Variants in RANBP2 observed in about 807,000 individuals in gnomAD.
RANBP2 encodes the protein RAN binding protein 2, also known as E3 SUMO-protein ligase RanBP2.
A neutral mutation model predicts 303.6 loss-of-function variants in RANBP2; 57 were observed. The observed-to-expected ratio is 0.19, with a 90% CI of 0.15 to 0.23. RANBP2 has a LOEUF of 0.23. Among genes scored for constraint, RANBP2 ranks in the 10% least tolerant of loss-of-function variants. The pLI is 1.00. For synonymous variants in RANBP2, 1,167 were observed against 1,301.5 expected (o/e 0.90, Z 2.23); for missense variants, 3,138 against 3,780.8 (o/e 0.83, Z 4.46).
At chr2:109,189,105 G>T in the RANBP2 span, among the ~76,000 whole-genome samples, 1 of 152,076 alleles carries the variant, frequency 6.6e-6, no homozygotes, top group Non-Finnish European at 1.5e-5. Context: ...TGAGAGAGAT[G>T]CCTCCACTGC....
chr2:109,399,003 C>A, the RANBP2 span: 45 of 1,496,634 alleles, frequency 3.0e-5, no homozygotes, highest in Non-Finnish European at 3.9e-5. Flanking sequence ...ATCCTCAGCT[C>A]CGTGTTCAGT....
At chr2:108,753,263 G>C (rs1676047507) in intron 13 of RANBP2, 104 bp downstream of exon 13, 9 of 1,605,308 alleles carry the variant, frequency 5.6e-6, no homozygotes, top group Non-Finnish European at 7.6e-6. Context: ...GTTATTTAAT[G>C]GTAATCTTGT....
At chr2:109,056,012 C>G in the RANBP2 span, among the ~76,000 whole-genome samples, 1 of 152,156 alleles carries the variant, frequency 6.6e-6, no homozygotes, top group African/African-American at 2.4e-5. Context: ...CCCGCCTCAG[C>G]CTCCCAAAGT....
At chr2:108,912,838 G>C in the RANBP2 span, 2 of 1,254,792 alleles carry the variant, frequency 1.6e-6, no homozygotes, top group Non-Finnish European at 2.3e-6. Context: ...AGAGCTCATG[G>C]ATCTGGATTC....
At chr2:109,393,553 G>A in the RANBP2 span, among the ~76,000 whole-genome samples, 11 of 152,114 alleles carry the variant, frequency 7.2e-5, no homozygotes, top group Non-Finnish European at 1.2e-4. Flanking sequence ...TTTGTTTTCC[G>A]AATGGTGCAT....
At chr2:109,329,480 G>T in the RANBP2 span, among the ~76,000 whole-genome samples, 5 of 152,198 alleles carry the variant, frequency 3.3e-5, no homozygotes, top group Admixed American at 6.5e-5. Flanking sequence ...GGCTGGAGCG[G>T]TGTCTTTCCC....
chr2:109,263,812 C>A, the RANBP2 span, among the ~76,000 whole-genome samples: 1 of 152,098 alleles, frequency 6.6e-6, no homozygotes, highest in African/African-American at 2.4e-5. Context: ...TAAAAAAATA[C>A]AAAAAATTAG....
chr2:109,121,012 C>T, the RANBP2 span, among the ~76,000 whole-genome samples: 14 of 152,108 alleles, frequency 9.2e-5, no homozygotes, highest in East Asian at 2.5e-3. Flanking sequence ...TTTGGGAGGC[C>T]GAGGTGGGCG....
At chr2:108,972,928 A>C in the RANBP2 span, among the ~76,000 whole-genome samples, 2 of 152,222 alleles carry the variant, frequency 1.3e-5, no homozygotes, top group African/African-American at 4.8e-5. Context: ...CTGTGCTCCA[A>C]GTCCAAAGAA....
At chr2:109,150,942 A>G in the RANBP2 span, among the ~76,000 whole-genome samples, 1 of 152,230 alleles carries the variant, frequency 6.6e-6, no homozygotes, top group Non-Finnish European at 1.5e-5. Context: ...GAAGCTAGTT[A>G]TTTCAAGGTG....
the RANBP2 span, among the ~76,000 whole-genome samples, chr2:108,845,188 A>G: frequency 6.6e-6 from 1 of 152,028 alleles, no homozygotes; most frequent in Non-Finnish European, 1.5e-5. Flanking sequence ...ATTTTTTTCT[A>G]TTTTTTACAC....
chr2:109,028,990 G>T, the RANBP2 span, among the ~76,000 whole-genome samples: 1 of 151,574 alleles, frequency 6.6e-6, no homozygotes. Flanking sequence ...TTGCCATATT[G>T]CCCAGGCTGG....
the RANBP2 span, among the ~76,000 whole-genome samples, chr2:109,242,093 A>G: frequency 6.6e-6 from 1 of 151,164 alleles, no homozygotes; most frequent in African/African-American, 2.4e-5. Context: ...CCTGCCACAC[A>G]GGGTGGCTCC....
the RANBP2 span, among the ~76,000 whole-genome samples, chr2:109,219,844 T>C: frequency 6.6e-6 from 1 of 152,218 alleles, no homozygotes; most frequent in Non-Finnish European, 1.5e-5. Context: ...GAGATGACAC[T>C]ACTACTCAAA....
the RANBP2 span, among the ~76,000 whole-genome samples, chr2:109,037,768 C>A: frequency 6.6e-6 from 1 of 152,084 alleles, no homozygotes; most frequent in Non-Finnish European, 1.5e-5. Flanking sequence ...AACATTTGCA[C>A]GCTAAAATTA....
chr2:108,890,142 T>C, the RANBP2 span, among the ~76,000 whole-genome samples: 1 of 151,854 alleles, frequency 6.6e-6, no homozygotes, highest in Non-Finnish European at 1.5e-5. Context: ...TTTTTTTTTT[T>C]TCTTCTCAGC....
the RANBP2 span, chr2:108,907,933 G>C: frequency 6.2e-7 from 1 of 1,613,682 alleles, no homozygotes; most frequent in Non-Finnish European, 8.5e-7. Context: ...CAGCTCCGGG[G>C]AGCCCTGCTT....
In RANBP2 at chr2:108,763,748, T is replaced by C. The variant is rs867374957; in HGVS notation, c.3209T>C (p.Leu1070Pro). 1.2e-6 allele frequency: 2 copies of C among 1,614,116 alleles called. No homozygotes were observed. Among genetic ancestry groups the C allele is most frequent in the African/African-American group, 2.7e-5 (2 of 75,058 alleles). Residue 1070 changes from leucine to proline, a missense_variant, in exon 20 of 29, where the codon CTG becomes CCG. Physicochemically the swap from Leu to Pro is moderately conservative, Grantham distance 98 (BLOSUM62 -3). Transcript: ENST00000283195. Reference protein sequence around the residue: ...YSNSESLLGLLTSDKPLQGDG... With the variant: ...YSNSESLLGLPTSDKPLQGDG... ...AACAGTGAAAGCCTTTTAGGTCTCC[T>C]GACTTCAGATAAACCCTTGCAAGGA...
chr2:109,166,445 C>G, the RANBP2 span, among the ~76,000 whole-genome samples: 1 of 139,264 alleles, frequency 7.2e-6, no homozygotes, highest in Non-Finnish European at 1.5e-5. Context: ...CCACTGTACT[C>G]CAGCCTGGTG....
Sources: gnomAD v4.1 joint callset for allele counts (sites outside exome capture counted in the v4.1 genomes callset) on GRCh38, gnomAD v4.1.1 for gene constraint, MANE v1.5 for transcripts, NCBI Gene and HGNC (gene_info 2026-07-23, HGNC 2026-07-21) for gene names.